The following SLC24A2 variants were observed in gnomAD, a reference collection of about 807,000 sequenced individuals.
SLC24A2 encodes the protein sodium/potassium/calcium exchanger 2.
In SLC24A2, 36 loss-of-function variants were observed where a neutral mutation model predicts 62.0. The ratio of observed to expected loss-of-function variants is 0.58; its 90% CI spans 0.44 to 0.77. The LOEUF (loss-of-function observed/expected upper bound fraction) is 0.77. SLC24A2 is among the 30% of genes least tolerant of loss of function. SLC24A2 has a pLI of 0.00. For synonymous variants in SLC24A2, 358 were observed against 294.0 expected, an observed-to-expected ratio of 1.22 and a Z score of -2.23; for missense variants, 846 against 817.9, an observed-to-expected ratio of 1.03 and a Z score of -0.42.
At chr9:19,759,447 T>C (rs192618598) in intron 2 of SLC24A2, among the ~76,000 whole-genome samples, 2 of 152,352 alleles carry the variant, frequency 1.3e-5, no homozygotes, top group African/African-American at 4.8e-5. Flanking sequence ...AATTTATGGA[T>C]TGAATCCTCT....
At chr9:19,997,787 A>T in the SLC24A2 span, among the ~76,000 whole-genome samples, 19 of 152,286 alleles carry the variant, frequency 1.2e-4, no homozygotes, top group Middle Eastern at 6.8e-3. Context: ...AACACATTTT[A>T]TTTGCCAATG....
the SLC24A2 span, among the ~76,000 whole-genome samples, chr9:20,263,957 T>C: frequency 2.4e-4 from 35 of 148,496 alleles, no homozygotes; most frequent in East Asian, 4.1e-3. Context: ...CCTCAGAAGT[T>C]TGGATGGTTT....
chr9:20,224,496 C>G, the SLC24A2 span, among the ~76,000 whole-genome samples: 1 of 151,962 alleles, frequency 6.6e-6, no homozygotes, highest in Non-Finnish European at 1.5e-5. Context: ...ACAATACTGG[C>G]AGAAAAAATA....
chr9:19,902,329 G>A, the SLC24A2 span, among the ~76,000 whole-genome samples: 1 of 152,138 alleles, frequency 6.6e-6, no homozygotes, highest in East Asian at 1.9e-4. Context: ...ACAAGACTGA[G>A]TAAGAATTTT....
the SLC24A2 span, among the ~76,000 whole-genome samples, chr9:19,848,240 A>C: frequency 6.6e-6 from 1 of 152,162 alleles, no homozygotes; most frequent in East Asian, 1.9e-4. Flanking sequence ...TTTGTTTTTT[A>C]ATTTTTACCA....
At chr9:20,037,577 C>A in the SLC24A2 span, among the ~76,000 whole-genome samples, 1 of 152,170 alleles carries the variant, frequency 6.6e-6, no homozygotes, top group African/African-American at 2.4e-5. Context: ...CAGTAACATT[C>A]TGGTGGGGTC....
chr9:20,154,831 C>G, the SLC24A2 span, among the ~76,000 whole-genome samples: 3 of 151,730 alleles, frequency 2.0e-5, no homozygotes, highest in African/African-American at 7.3e-5. Context: ...CTGCCATCCT[C>G]TGTGTGTCAC....
At chr9:20,063,159 T>A in the SLC24A2 span, among the ~76,000 whole-genome samples, 1 of 146,006 alleles carries the variant, frequency 6.8e-6, no homozygotes, top group East Asian at 2.1e-4. Context: ...CCCAAAGGAC[T>A]ATAAATCATG....
rs562410463 is a variant in SLC24A2, at chr9:19,562,588, C to T, written c.1347+10763G>A. The stretch of plus-strand genomic sequence containing the variant: ...AGCAGTTGGTAAATATTTTTCAGGT[C>T]ATCACATACAGGAACTGGACCCCAG... On this transcript the variant is annotated intron_variant, in intron 7 of 10. Coordinates refer to ENST00000341998, the MANE Select transcript of SLC24A2 (RefSeq NM_020344.4). 2.3e-4 allele frequency among the ~76,000 whole-genome samples: 35 copies of T among 152,190 alleles called. 1 individual carries two copies. Among genetic ancestry groups the T allele is most frequent in the African/African-American group, 7.7e-4 (32 of 41,504 alleles).
intron 6 of SLC24A2, among the ~76,000 whole-genome samples, chr9:19,574,628 G>A (rs1416460301): frequency 6.6e-6 from 1 of 151,844 alleles, no homozygotes; most frequent in Non-Finnish European, 1.5e-5. Context: ...AAACACTGTA[G>A]CATAGTGCCT....
At chr9:20,293,934 G>A in the SLC24A2 span, among the ~76,000 whole-genome samples, 1 of 152,118 alleles carries the variant, frequency 6.6e-6, no homozygotes, top group East Asian at 1.9e-4. Flanking sequence ...AGGATGCTAT[G>A]GCAGACACCC....
intron 2 of SLC24A2, among the ~76,000 whole-genome samples, chr9:19,697,616 C>T (rs1378734086): frequency 6.6e-6 from 1 of 152,074 alleles, no homozygotes. Flanking sequence ...CTTACACTGG[C>T]TTAGCTAAAA....
chr9:20,093,680 T>G, the SLC24A2 span, among the ~76,000 whole-genome samples: 1 of 152,182 alleles, frequency 6.6e-6, no homozygotes, highest in Admixed American at 6.5e-5. Context: ...ACAATGGTTC[T>G]AAAAGTGTGG....
the SLC24A2 span, among the ~76,000 whole-genome samples, chr9:20,211,311 A>T: frequency 6.6e-6 from 1 of 152,074 alleles, no homozygotes; most frequent in East Asian, 1.9e-4. Context: ...TCAGGAGTTC[A>T]AGACCAGCCT....
At chr9:19,535,864 T>G (rs550292141) in intron 8 of SLC24A2, among the ~76,000 whole-genome samples, 1 of 152,128 alleles carries the variant, frequency 6.6e-6, no homozygotes, top group African/African-American at 2.4e-5. Context: ...AAGCAGTTTT[T>G]CCAATTCTGT....
chr9:19,516,276 G>A lies in SLC24A2; in HGVS notation c.1863C>T (p.Ile621=), dbSNP rs139286484. The A allele has an allele frequency of 3.0e-4, 490 of 1,614,196 alleles. 2 individuals are homozygous for A. The African/African-American group carries it at 5.7e-3, about 19-fold the overall frequency. The change falls in exon 11 of 11, where the codon ATC becomes ATT. Residue 621 remains isoleucine, a synonymous_variant. Transcript: ENST00000341998. ...FIMLLFVILS[I]ALCKWRMNKI... ...TGTTCATTCGCCACTTGCAGAGGGC[G>A]ATAGAGAGGATGACGAAGAGCAGCA...
the SLC24A2 span, among the ~76,000 whole-genome samples, chr9:20,220,744 G>A: frequency 6.6e-5 from 10 of 152,040 alleles, no homozygotes; most frequent in Admixed American, 5.9e-4. Context: ...TTAAAAGCAC[G>A]TGAATGCTAA....
chr9:19,665,491 A>G (rs117970941), intron 2 of SLC24A2, among the ~76,000 whole-genome samples: 1 of 152,140 alleles, frequency 6.6e-6, no homozygotes, highest in Non-Finnish European at 1.5e-5. Context: ...CTTCAATTGA[A>G]ATGCATTGGT....
At chr9:19,823,402 C>A in the SLC24A2 span, among the ~76,000 whole-genome samples, 1 of 151,902 alleles carries the variant, frequency 6.6e-6, no homozygotes, top group Non-Finnish European at 1.5e-5. Context: ...CTAAATATTT[C>A]AGCTTGTGTT....
Sources: gnomAD v4.1 joint callset for allele counts (sites outside exome capture counted in the v4.1 genomes callset) on GRCh38, gnomAD v4.1.1 for gene constraint, MANE v1.5 for transcripts, NCBI Gene and HGNC (gene_info 2026-07-23, HGNC 2026-07-21) for gene names.